Variants in HEXB observed in about 807,000 individuals in gnomAD.
HEXB encodes hexosaminidase subunit beta.
A neutral mutation model predicts 71.2 loss-of-function variants in HEXB; 51 were observed. The ratio of observed to expected loss-of-function variants is 0.72; its 90% CI spans 0.57 to 0.90. The LOEUF (loss-of-function observed/expected upper bound fraction) is 0.90. Ranked by LOEUF, HEXB falls within the 40% of genes least tolerant of loss-of-function variation. The pLI is 0.00. For synonymous variants in HEXB, 266 were observed against 249.3 expected (o/e 1.07, Z -0.63); for missense variants, 617 against 677.0 (o/e 0.91, Z 0.98).
At chr5:74,677,286 T>C (rs1466742717) in intron 1 of HEXB, among the ~76,000 whole-genome samples, 1 of 152,072 alleles carries the variant, frequency 6.6e-6, no homozygotes, top group Non-Finnish European at 1.5e-5. Context: ...GGGAGGCCAG[T>C]TACACATTTG....
chr5:74,656,208 C>T (rs955000643), intron 1 of HEXB, among the ~76,000 whole-genome samples: 1 of 152,148 alleles, frequency 6.6e-6, no homozygotes, highest in Non-Finnish European at 1.5e-5. Context: ...GTAACCCCAG[C>T]ACTTGGGGAG....
rs1748134584 is a variant in HEXB at position 74,652,428 on chromosome 5, A to G, written c.-377+11870A>G. Among the ~76,000 whole-genome samples, 1 of 152,274 alleles carries G rather than the reference A, an allele frequency of 6.6e-6. No individual in the cohort carries two copies. Among genetic ancestry groups the G allele is most frequent in the South Asian group, 2.1e-4 (1 of 4,828 alleles). ...ACACAGTAGCCGTTTGCCTTCATGT[A>G]TTTGCTTAATCAATGGTACGAAAAT... On this transcript the variant is annotated intron_variant, in intron 1 of 13. Coordinates refer to the HEXB transcript ENST00000511181. The surrounding 1 kb of genome is among the most constrained non-coding windows in gnomAD (Gnocchi z 5.4).
chr5:74,683,206 CTTTATG>C (rs1748771191), upstream of HEXB, among the ~76,000 whole-genome samples: 1 of 152,144 alleles, frequency 6.6e-6, no homozygotes, highest in South Asian at 2.1e-4. Flanking sequence ...CAGAGAACCT[CTTTATG>C]GCTGGCTCCT....
chr5:74,690,540 T>C (rs1172199336), intron 2 of HEXB, among the ~76,000 whole-genome samples: 2 of 151,694 alleles, frequency 1.3e-5, no homozygotes, highest in Non-Finnish European at 2.9e-5. Context: ...TAATCCCAGC[T>C]ACTCGGGAGG....
chr5:74,674,529 G>A (rs760586427), intron 1 of HEXB, among the ~76,000 whole-genome samples: 6 of 151,630 alleles, frequency 4.0e-5, no homozygotes, highest in Admixed American at 1.3e-4. Flanking sequence ...GCGTGAACCC[G>A]GGAGGCGGAG....
At chr5:74,663,499 C>T (rs1333897904) in intron 1 of HEXB, among the ~76,000 whole-genome samples, 2 of 151,988 alleles carry the variant, frequency 1.3e-5, no homozygotes, top group Non-Finnish European at 2.9e-5. Context: ...CAAAAGATGA[C>T]CTCTTTCTAA....
chr5:74,653,817 C>T (rs930899000), intron 1 of HEXB, among the ~76,000 whole-genome samples: 1 of 152,054 alleles, frequency 6.6e-6, no homozygotes, highest in Non-Finnish European at 1.5e-5. Flanking sequence ...CAAAATTCAA[C>T]AGAAAAAATT....
intron 1 of HEXB, among the ~76,000 whole-genome samples, chr5:74,687,203 G>A (rs988801217): frequency 6.6e-6 from 1 of 152,224 alleles, no homozygotes; most frequent in African/African-American, 2.4e-5. Context: ...AGGCATGCAT[G>A]TGAGCATTCT....
At chr5:74,674,528 C>T (rs1466308918) in intron 1 of HEXB, among the ~76,000 whole-genome samples, 9 of 148,192 alleles carry the variant, frequency 6.1e-5, no homozygotes, top group South Asian at 2.2e-4. Flanking sequence ...GGCGTGAACC[C>T]GGGAGGCGGA....
At chr5:74,694,702 C>A (rs1375465329) in intron 3 of HEXB, among the ~76,000 whole-genome samples, 3 of 152,166 alleles carry the variant, frequency 2.0e-5, no homozygotes, top group Non-Finnish European at 1.5e-5. Flanking sequence ...TAGTCACTCA[C>A]ACCTGTAATC....
intron 1 of HEXB, among the ~76,000 whole-genome samples, chr5:74,689,121 T>C (rs1748937941): frequency 6.6e-6 from 1 of 152,184 alleles, no homozygotes; most frequent in African/African-American, 2.4e-5. Context: ...CCCATTCTAA[T>C]AGATTCTGAT....
At chr5:74,687,665 C>CG (rs1191032061) in intron 1 of HEXB, among the ~76,000 whole-genome samples, 2 of 152,122 alleles carry the variant, frequency 1.3e-5, no homozygotes, top group African/African-American at 2.4e-5. Context: ...CTGCCAGCAG[C>CG]TTTAATTTCT....
intron 9 of HEXB, among the ~76,000 whole-genome samples, chr5:74,717,835 T>C (rs980110796): frequency 2.0e-5 from 3 of 152,202 alleles, no homozygotes; most frequent in Non-Finnish European, 4.4e-5. Flanking sequence ...TTAAGTGTTA[T>C]TTATCTGCAG....
chr5:74,720,661 TG>T lies in HEXB; in HGVS notation c.1529del (p.Gly510ValfsTer20). The T allele has an allele frequency of 6.2e-7, 1 of 1,614,148 alleles. No individual in the cohort carries two copies. Among genetic ancestry groups the T allele is most frequent in the Non-Finnish European group, 8.5e-7 (1 of 1,180,008 alleles). ...PRLWPRASAV[G>X]ERLWSSKDVR... ...ATTTTAGGCCTCGGGCAAGTGCTGT[TG>T]GTGAGAGACTCTGGAGTTCCAAAGA... On this transcript the variant is annotated frameshift_variant, in exon 13 of 14. Transcript: ENST00000261416. LOFTEE classifies it high-confidence loss of function.
intron 1 of HEXB, among the ~76,000 whole-genome samples, chr5:74,657,701 T>G (rs1748246752): frequency 6.6e-6 from 1 of 152,212 alleles, no homozygotes. Context: ...TAAATAAGAA[T>G]GTGTTTTCCT....
intron 2 of HEXB, 34 bp downstream of exon 2, chr5:74,689,507 C>T (rs781164631): frequency 2.3e-5 from 36 of 1,596,196 alleles, no homozygotes; most frequent in Non-Finnish European, 2.8e-5. Context: ...GTATTATATC[C>T]CAGGTGCTCG....
intron 1 of HEXB, among the ~76,000 whole-genome samples, chr5:74,659,568 G>A (rs894940811): frequency 6.6e-6 from 1 of 152,162 alleles, no homozygotes; most frequent in Non-Finnish European, 1.5e-5. Flanking sequence ...AAAGAAGGAT[G>A]GGAAGGTTCT....
Position 74,705,317 on chromosome 5 carries a change from T to C in HEXB, c.768T>C (p.Asn256=). The change falls in exon 6 of 14, where the codon AAT becomes AAC. Residue 256 remains asparagine (N), a synonymous_variant. Coordinates refer to ENST00000261416, the MANE Select transcript of HEXB (RefSeq NM_000521.4). ...GCATCACTTTTCCTGAGTTAAGCAA[T>C]AAAGTGAGTAAATTGTATTGTACTC... ...YQSITFPELS[N]KGSYSLSHVY... is the part of the protein sequence containing the mutation. 6.7e-7 allele frequency: 1 copy of C among 1,501,282 alleles called. No individual in the cohort carries two copies. The highest frequency in any genetic ancestry group is 1.1e-5 in the South Asian group (1 of 88,852). The allele number at this position is 1,501,282 out of a possible 1,614,324, so 93.0% of individuals were successfully genotyped here.
At chr5:74,705,594 C>T in intron 6 of HEXB, 1 of 415,402 alleles carries the variant, frequency 2.4e-6, no homozygotes, top group Non-Finnish European at 4.4e-6. Flanking sequence ...GAATAATTCT[C>T]AAATTACATA....
Sources: gnomAD v4.1 joint callset for allele counts (sites outside exome capture counted in the v4.1 genomes callset) on GRCh38, gnomAD v4.1.1 for gene constraint, Gnocchi (gnomAD v3.1) non-coding constraint, MANE v1.5 for transcripts, NCBI Gene and HGNC (gene_info 2026-07-23, HGNC 2026-07-21) for gene names.